The following ADAMTSL1 variants were observed in gnomAD, a reference collection of about 807,000 sequenced individuals.
ADAMTSL1 encodes ADAMTS-like protein 1.
Under a neutral mutation model 201.8 loss-of-function variants are expected in ADAMTSL1, and 126 were observed. The observed-to-expected ratio is 0.62, with a 90% CI of 0.54 to 0.72. The LOEUF (loss-of-function observed/expected upper bound fraction) is 0.72. Ranked by LOEUF, ADAMTSL1 falls within the 30% of genes least tolerant of loss-of-function variation. The pLI is 0.00. For missense variants in ADAMTSL1, 2,679 were observed against 2,277.8 expected (o/e 1.18, Z -3.59); for synonymous variants, 1,121 against 903.4 (o/e 1.24, Z -4.32).
At chr9:18,510,036 T>C (rs1172899473) in intron 2 of ADAMTSL1, among the ~76,000 whole-genome samples, 1 of 152,216 alleles carries the variant, frequency 6.6e-6, no homozygotes, top group Non-Finnish European at 1.5e-5. Flanking sequence ...CTGGAATGTA[T>C]GTAGTAGCAT....
chr9:18,864,517 T>C (rs1827388070), intron 23 of ADAMTSL1, among the ~76,000 whole-genome samples: 3 of 152,162 alleles, frequency 2.0e-5, no homozygotes, highest in African/African-American at 7.2e-5. Flanking sequence ...TAATGACCCT[T>C]GTATTGTGAA....
chr9:18,886,650 T>C (rs1318411840), intron 23 of ADAMTSL1, among the ~76,000 whole-genome samples: 1 of 152,218 alleles, frequency 6.6e-6, no homozygotes, highest in East Asian at 1.9e-4. Context: ...GTGTCCCACA[T>C]GGTGGAAGGG....
At chr9:18,076,070 G>A (rs1823210980) in intron 1 of ADAMTSL1, among the ~76,000 whole-genome samples, 1 of 152,078 alleles carries the variant, frequency 6.6e-6, no homozygotes, top group Non-Finnish European at 1.5e-5. Context: ...TCTTTTATTA[G>A]GTTCCTGTTT....
At chr9:18,483,291 G>A (rs1291758631) in intron 1 of ADAMTSL1, among the ~76,000 whole-genome samples, 6 of 152,102 alleles carry the variant, frequency 3.9e-5, no homozygotes, top group Admixed American at 2.0e-4. Context: ...AAAGAGATTC[G>A]AGTTATATTT....
intron 1 of ADAMTSL1, among the ~76,000 whole-genome samples, chr9:18,034,202 C>T (rs528837749): frequency 6.6e-6 from 1 of 152,278 alleles, no homozygotes; most frequent in African/African-American, 2.4e-5. Context: ...TCTCACCCTT[C>T]TCATTAACAA....
At chr9:18,471,780 T>C (rs1172604903), upstream of ADAMTSL1, among the ~76,000 whole-genome samples, 1 of 152,204 alleles carries the variant, frequency 6.6e-6, no homozygotes, top group African/African-American at 2.4e-5. Context: ...TAAAATAGTA[T>C]ATTATTCGGT....
chr9:18,254,918 T>C (rs1831624452), intron 2 of ADAMTSL1, among the ~76,000 whole-genome samples: 2 of 152,292 alleles, frequency 1.3e-5, no homozygotes, highest in South Asian at 4.1e-4. Context: ...TAATCTTCCC[T>C]TGTCTTAGCA....
chr9:18,874,735 T>C (rs1828043317), intron 23 of ADAMTSL1, among the ~76,000 whole-genome samples: 1 of 151,694 alleles, frequency 6.6e-6, no homozygotes, highest in Non-Finnish European at 1.5e-5. Flanking sequence ...GTCTGTTTGC[T>C]TTATGTCCTT....
At chr9:18,002,567 A>G (rs1819656983) in intron 1 of ADAMTSL1, among the ~76,000 whole-genome samples, 1 of 152,040 alleles carries the variant, frequency 6.6e-6, no homozygotes, top group Non-Finnish European at 1.5e-5. Flanking sequence ...ACATGATCTC[A>G]TGTTTATGAA....
chr9:18,206,000 G>A (rs1470890620), intron 2 of ADAMTSL1, among the ~76,000 whole-genome samples: 1 of 135,628 alleles, frequency 7.4e-6, no homozygotes, highest in Non-Finnish European at 1.5e-5. Context: ...TTTGCAGTGA[G>A]CTGAGATCAC....
At chr9:18,897,283 T>C (rs1829703096) in intron 26 of ADAMTSL1, among the ~76,000 whole-genome samples, 1 of 152,010 alleles carries the variant, frequency 6.6e-6, no homozygotes. Flanking sequence ...TACTCAGCCT[T>C]CCCAGGACTG....
At chr9:17,930,436 G>A (rs1183698769) in intron 1 of ADAMTSL1, among the ~76,000 whole-genome samples, 1 of 151,970 alleles carries the variant, frequency 6.6e-6, no homozygotes, top group Non-Finnish European at 1.5e-5. Context: ...AATCTGGTAG[G>A]GTTCCATTCC....
chr9:17,922,327 T>A (rs1811072437), intron 1 of ADAMTSL1, among the ~76,000 whole-genome samples: 1 of 152,106 alleles, frequency 6.6e-6, no homozygotes, highest in South Asian at 2.1e-4. Flanking sequence ...GACTCTTTAG[T>A]CTTGTGTTTC....
At chr9:18,735,124 C>T (rs147274506) in intron 15 of ADAMTSL1, among the ~76,000 whole-genome samples, 51 of 152,336 alleles carry the variant, frequency 3.3e-4, no homozygotes, top group African/African-American at 1.2e-3. Context: ...CTGCCTCAGA[C>T]ACCTCTCATG....
chr9:17,906,785 T>A (rs1421038045), exon 1 of ADAMTSL1: 6 of 152,158 alleles, frequency 3.9e-5, no homozygotes, highest in African/African-American at 1.4e-4. Flanking sequence ...GGCCACCTCT[T>A]CGAGGGAGGG....
At position 18,747,726 on chromosome 9, in the gene ADAMTSL1, T is replaced by C. The variant is rs139608086; in HGVS notation, c.2007-5572T>C. On this transcript the variant is annotated intron_variant, in intron 15 of 28. Transcript: ENST00000380548. ...GTGACCATGTGTGATGTCAGCTGGA[T>C]TGTGGTCACGTCACAGTTTTTAGCT... Among the ~76,000 whole-genome samples the C allele has an allele frequency of 3.2e-3, 494 of 152,304 alleles. 3 individuals are homozygous for C. Among genetic ancestry groups the C allele is most frequent in the Middle Eastern group, 0.031 (9 of 294 alleles).
chr9:18,129,066 C>T (rs1038946515), intron 1 of ADAMTSL1, among the ~76,000 whole-genome samples: 1 of 152,168 alleles, frequency 6.6e-6, no homozygotes, highest in Non-Finnish European at 1.5e-5. Flanking sequence ...TTTAATAACA[C>T]CTTATTTTAG....
chr9:17,938,494 C>T (rs937689782), intron 1 of ADAMTSL1, among the ~76,000 whole-genome samples: 5 of 152,150 alleles, frequency 3.3e-5, no homozygotes, highest in Admixed American at 1.3e-4. Context: ...GTGCTTAACT[C>T]GTTCTTCTTC....
In ADAMTSL1 at chr9:17,992,041, G is replaced by C. The variant is rs150801658; in HGVS notation, c.87+85119G>C. Among the ~76,000 whole-genome samples, 830 of 152,146 alleles carry C rather than the reference G, an allele frequency of 5.5e-3. 6 individuals are homozygous for C. The highest frequency in any genetic ancestry group is 0.019 in the African/African-American group (770 of 41,504). ...ACATTGATTGCCCTTCCCTGCTCAG[G>C]TGCCATCCCACCTACCTGATGTTTA... On this transcript the variant is annotated intron_variant, in intron 1 of 29. Transcript: ENST00000680146.
Sources: allele counts gnomAD v4.1 joint callset (sites outside exome capture counted in the v4.1 genomes callset), GRCh38; gene constraint gnomAD v4.1.1; transcripts MANE v1.5; gene names NCBI Gene and HGNC (gene_info 2026-07-23, HGNC 2026-07-21).